SATB1: variants seen among roughly 807,000 people sequenced by gnomAD.
SATB1 encodes the protein SATB homeobox 1.
In SATB1, 11 loss-of-function variants were observed where a neutral mutation model predicts 86.9. The observed-to-expected ratio is 0.13, with a 90% CI of 0.08 to 0.21. The LOEUF is 0.21. Among genes scored for constraint, SATB1 ranks in the 10% least tolerant of loss-of-function variants. The pLI is 1.00. For missense variants in SATB1, 551 were observed against 937.6 expected (o/e 0.59, Z 5.39); for synonymous variants, 357 against 357.2 (o/e 1.00, Z 0.01).
intron 8 of SATB1, 33 bp from the exon 9 acceptor site, chr3:18,378,358 T>C (rs1695868251): frequency 1.2e-6 from 2 of 1,606,438 alleles, no homozygotes; most frequent in African/African-American, 1.3e-5. Flanking sequence ...CTGTCATTTT[T>C]CATTGGCTGA....
intron 8 of SATB1, among the ~76,000 whole-genome samples, chr3:18,385,494 A>T (rs1696293353): frequency 6.6e-6 from 1 of 152,018 alleles, no homozygotes; most frequent in African/African-American, 2.4e-5. Flanking sequence ...GTGGTGGCAG[A>T]TGCCTGTAGT....
rs1037693887 is a variant in SATB1, at chr3:18,352,978, C to T, written c.1576-783G>A. On this transcript the variant is annotated intron_variant, in intron 9 of 10. Transcript: ENST00000338745. This position sits in a 1 kb window ranked among gnomAD's most constrained non-coding sequence, Gnocchi z 4.1. Reference sequence around the variant, plus strand: ...GGTTATCTATCAAGAACTGAATGATCATGAAGAATATATTTTCCAGTCATC... The same window carrying T: ...GGTTATCTATCAAGAACTGAATGATTATGAAGAATATATTTTCCAGTCATC... 1.3e-5 allele frequency: 2 copies of T among 152,136 alleles called. No individual in the cohort carries two copies. Among genetic ancestry groups the T allele is most frequent in the Non-Finnish European group, 2.9e-5 (2 of 68,076 alleles). 9.4% of individuals were successfully genotyped at this position (152,136 alleles called of 1,614,324 possible). A position where few individuals can be genotyped will look rare whatever the true frequency, so the allele number is the denominator to read the frequency against.
chr3:18,375,854 G>A (rs115284634), intron 9 of SATB1, among the ~76,000 whole-genome samples: 1,863 of 152,260 alleles, frequency 0.012, 33 homozygotes, highest in South Asian at 0.048. Flanking sequence ...GGACGTTAGA[G>A]TAAATTAGAA....
At chr3:18,415,075 G>A in intron 5 of SATB1, 36 bp downstream of exon 5, 1 of 1,609,636 alleles carries the variant, frequency 6.2e-7, no homozygotes, top group South Asian at 1.1e-5. Flanking sequence ...GGTTGCCCAT[G>A]ATGTCTTATT....
intron 9 of SATB1, among the ~76,000 whole-genome samples, chr3:18,363,220 G>A (rs1230004634): frequency 6.6e-6 from 1 of 152,044 alleles, no homozygotes; most frequent in Non-Finnish European, 1.5e-5. Context: ...ACCCTAAGAG[G>A]AACAAGCAAG....
At chr3:18,356,241 C>A (rs1393404497) in intron 9 of SATB1, among the ~76,000 whole-genome samples, 2 of 151,764 alleles carry the variant, frequency 1.3e-5, no homozygotes, top group Non-Finnish European at 2.9e-5. Flanking sequence ...AGTCTTAAAT[C>A]CATCTGCCAC....
rs180762862 is a variant in SATB1, at chr3:18,355,859, G to C, written c.1576-3664C>G. On this transcript the variant is annotated intron_variant, in intron 9 of 10. Transcript: ENST00000338745. ...TTCTCAGAAAACTAAAATGGTACAA[G>C]GAACAACCTAAACTTTAAATGTAGT... Among the ~76,000 whole-genome samples, 3 of 151,946 alleles carry C rather than the reference G, an allele frequency of 2.0e-5. No individual in the cohort carries two copies. The East Asian group carries it at 5.8e-4, about 29-fold the overall frequency.
Position 18,424,525 on chromosome 3 carries a change from T to A in SATB1, c.-923A>T, listed in dbSNP as rs998766236. On this transcript the variant is annotated 5_prime_UTR_variant, in exon 1 of 11. The change abolishes an upstream ATG in the 5' untranslated region. Transcript: ENST00000338745. ...GCCGCAAGGACCCTCTCCCTGCCCA[T>A]TGACGCGGGGCTGTGAGCGTCTGGG... 2 of 152,194 alleles carry A rather than the reference T, an allele frequency of 1.3e-5. No individual in the cohort carries two copies. Among genetic ancestry groups the A allele is most frequent in the African/African-American group, 4.8e-5 (2 of 41,488 alleles). 9.4% of individuals were successfully genotyped at this position (152,194 alleles called of 1,614,324 possible).
At chr3:18,361,805 G>A (rs1481516122) in intron 9 of SATB1, among the ~76,000 whole-genome samples, 4 of 151,972 alleles carry the variant, frequency 2.6e-5, no homozygotes, top group African/African-American at 9.7e-5. Flanking sequence ...TCTCAGTGGG[G>A]AATTAAATGG....
chr3:18,351,894 T>TAA, intron 10 of SATB1, 98 bp downstream of exon 10: 1 of 1,141,892 alleles, frequency 8.8e-7, no homozygotes, highest in East Asian at 2.4e-5. Flanking sequence ...AAAAAGCCTA[T>TAA]GGTTAGACTG....
At chr3:18,437,317 A>C (rs1047069152) in intron 1 of SATB1, among the ~76,000 whole-genome samples, 1 of 152,140 alleles carries the variant, frequency 6.6e-6, no homozygotes, top group Admixed American at 6.5e-5. Flanking sequence ...AAGAAAAAAA[A>C]ACAGGAGAAA....
chr3:18,430,416 G>C (rs1698850127), intron 2 of SATB1, among the ~76,000 whole-genome samples: 2 of 152,092 alleles, frequency 1.3e-5, no homozygotes, highest in Admixed American at 6.5e-5. Flanking sequence ...TACTTGAAAG[G>C]GTTCTGTAAT....
chr3:18,406,819 T>C (rs1390765661), intron 5 of SATB1, among the ~76,000 whole-genome samples: 2 of 152,046 alleles, frequency 1.3e-5, no homozygotes, highest in African/African-American at 4.8e-5. Context: ...TTTCATAAGA[T>C]AGGATACTGT....
chr3:18,426,214 G>A (rs1575179267), upstream of SATB1, among the ~76,000 whole-genome samples: 1 of 152,314 alleles, frequency 6.6e-6, no homozygotes, highest in East Asian at 1.9e-4. This position sits in a 1 kb window ranked among gnomAD's most constrained non-coding sequence, Gnocchi z 4.2. Context: ...AAACTATGAG[G>A]AGCCAACATT....
Position 18,444,570 on chromosome 3 carries a change from A to G in SATB1, c.-25+948T>C. ...GGGACAGAGATAAAACAGCAAGAGT[A>G]GCAAGGGGAAAAGGGAGGCAAAAGA... On this transcript the variant is annotated intron_variant, in intron 1 of 3. Transcript: ENST00000415069. The surrounding 1 kb of genome is among the most constrained non-coding windows in gnomAD (Gnocchi z 5.1). 1 of 985,448 alleles carries G rather than the reference A, an allele frequency of 1.0e-6. No individual in the cohort carries two copies. Among genetic ancestry groups the G allele is most frequent in the Non-Finnish European group, 1.2e-6 (1 of 829,992 alleles). 61.0% of individuals were successfully genotyped at this position (985,448 alleles called of 1,614,324 possible). A position where few individuals can be genotyped will look rare whatever the true frequency, so the allele number is the denominator to read the frequency against.
chr3:18,376,349 T>C (rs1189792736), intron 9 of SATB1, among the ~76,000 whole-genome samples: 1 of 152,130 alleles, frequency 6.6e-6, no homozygotes, highest in Non-Finnish European at 1.5e-5. Context: ...ATAATATTAA[T>C]TTTTGTTTTA....
intron 9 of SATB1, among the ~76,000 whole-genome samples, chr3:18,363,083 A>G (rs1394831179): frequency 6.6e-6 from 1 of 152,120 alleles, no homozygotes; most frequent in African/African-American, 2.4e-5. Flanking sequence ...TACACTCCCT[A>G]TTATGCATAT....
At chr3:18,416,264 T>C in intron 3 of SATB1, 131 bp from the exon 4 acceptor site, 1 of 608,916 alleles carries the variant, frequency 1.6e-6, no homozygotes, top group Non-Finnish European at 2.5e-6. Flanking sequence ...AATGATTCCC[T>C]TCCCTCTAAA....
At chr3:18,404,231 T>A (rs1347903683) in intron 5 of SATB1, among the ~76,000 whole-genome samples, 1 of 152,064 alleles carries the variant, frequency 6.6e-6, no homozygotes, top group Non-Finnish European at 1.5e-5. Flanking sequence ...GATTTCTAAG[T>A]GCAATATTCT....
Sources: gnomAD v4.1 joint callset for allele counts (sites outside exome capture counted in the v4.1 genomes callset) on GRCh38, gnomAD v4.1.1 for gene constraint, Gnocchi (gnomAD v3.1) non-coding constraint, MANE v1.5 for transcripts, NCBI Gene and HGNC (gene_info 2026-07-23, HGNC 2026-07-21) for gene names.